The following PUS7 variants were observed in gnomAD, a reference collection of about 807,000 sequenced individuals.
The protein encoded by PUS7 is pseudouridine synthase 7.
Under a neutral mutation model 79.8 loss-of-function variants are expected in PUS7, and 48 were observed. The observed-to-expected ratio is 0.60, with a 90% confidence interval of 0.48 to 0.76. The LOEUF is 0.76. Among genes scored for constraint, PUS7 ranks in the 30% least tolerant of loss-of-function variants. The pLI, the probability that PUS7 is intolerant of heterozygous loss-of-function variation, is 0.00. For missense variants in PUS7, 729 were observed against 797.6 expected, an observed-to-expected ratio of 0.91 and a Z score of 1.04; for synonymous variants, 286 against 272.2, an observed-to-expected ratio of 1.05 and a Z score of -0.50.
At chr7:105,509,354 T>C (rs1249396464) in intron 1 of PUS7, among the ~76,000 whole-genome samples, 1 of 152,120 alleles carries the variant, frequency 6.6e-6, no homozygotes, top group Non-Finnish European at 1.5e-5. Context: ...CCGCACATCA[T>C]CACAAGCCTT....
At chr7:105,505,908 G>A (rs750720718) in intron 4 of PUS7, 47 bp downstream of exon 4, 1 of 1,450,076 alleles carries the variant, frequency 6.9e-7, no homozygotes, top group Non-Finnish European at 9.6e-7. Context: ...CACCCAAAAA[G>A]CAACTAAAAC....
intron 12 of PUS7, among the ~76,000 whole-genome samples, chr7:105,467,294 CTTT>C (rs34780377): frequency 1.6e-4 from 21 of 129,594 alleles, no homozygotes; most frequent in East Asian, 2.2e-4. Flanking sequence ...AGAAACTCTT[CTTT>C]TTTTTTTTTT....
chr7:105,517,013 A>T (rs2133296391), intron 1 of PUS7, among the ~76,000 whole-genome samples: 1 of 152,284 alleles, frequency 6.6e-6, no homozygotes, highest in South Asian at 2.1e-4. Flanking sequence ...AAAAAATTTT[A>T]AGAAAACATG....
chr7:105,492,052 C>A (rs1274497550), intron 6 of PUS7, among the ~76,000 whole-genome samples: 758 of 117,018 alleles, frequency 6.5e-3, no homozygotes, highest in East Asian at 9.2e-3. Context: ...GACTCCGTCT[C>A]AAAAAAAAAA....
chr7:105,462,979 G>A (rs1563351986), intron 13 of PUS7, among the ~76,000 whole-genome samples: 1 of 152,132 alleles, frequency 6.6e-6, no homozygotes, highest in African/African-American at 2.4e-5. Context: ...AGTTATTTTT[G>A]CAACCAGTCA....
chr7:105,485,221 T>C (rs373141019), intron 7 of PUS7, among the ~76,000 whole-genome samples: 8 of 152,102 alleles, frequency 5.3e-5, no homozygotes, highest in South Asian at 4.2e-4. Flanking sequence ...TTGTCGTCGT[T>C]GTTTTTTGAG....
chr7:105,481,171 T>A lies in PUS7; in HGVS notation c.1056A>T (p.Ile352=). The change falls in exon 9 of 16, where the codon ATA becomes ATT. Residue 352 remains isoleucine (I), a synonymous_variant. Coordinates refer to ENST00000469408, the MANE Select transcript of PUS7 (RefSeq NM_019042.5). ...GNHFTVVLRN[I]TGTDDQVQQA... The stretch of plus-strand genomic sequence containing the variant: ...GCTGTACTTGGTCATCAGTTCCTGT[T>A]ATATTTCTACAGGGACACAAATTAT... 6.2e-7 allele frequency: 1 copy of A among 1,607,468 alleles called. No individual in the cohort carries two copies. Among genetic ancestry groups the A allele is most frequent in the Non-Finnish European group, 8.5e-7 (1 of 1,177,476 alleles).
At chr7:105,514,926 C>A (rs1047951483) in intron 1 of PUS7, among the ~76,000 whole-genome samples, 1 of 151,992 alleles carries the variant, frequency 6.6e-6, no homozygotes, top group Non-Finnish European at 1.5e-5. Context: ...TCCCGAGTAG[C>A]TGGGACTACA....
At chr7:105,468,580 C>CGAT in intron 11 of PUS7, 117 bp from the exon 12 acceptor site, 5 of 861,100 alleles carry the variant, frequency 5.8e-6, no homozygotes, top group Non-Finnish European at 8.6e-6. Context: ...TGCAGTGGCA[C>CGAT]GATCTAGGCT....
At chr7:105,509,871 G>A (rs188865053) in intron 1 of PUS7, among the ~76,000 whole-genome samples, 5 of 152,278 alleles carry the variant, frequency 3.3e-5, no homozygotes, top group Admixed American at 6.5e-5. Context: ...AAACTGGGAA[G>A]GGTGGTTACC....
rs1491563904 is a variant in PUS7, at chr7:105,514,795, CAT to C, written c.-32-6253_-32-6252del. 1.1e-3 allele frequency among the ~76,000 whole-genome samples: 120 copies of C among 112,662 alleles called. 1 individual carries two copies. Among genetic ancestry groups the C allele is most frequent in the African/African-American group, 3.1e-3 (116 of 37,336 alleles). 73.9% of individuals were successfully genotyped at this position (112,662 alleles called of 152,430 possible). On this transcript the variant is annotated intron_variant, in intron 1 of 15. Transcript: ENST00000469408. ...CATATAATAACTAAAAATTCTCTCT[CAT>C]TTTTTTTTTTTTGAGACGGAGTCTC... is the stretch of plus-strand genomic sequence containing the variant.
intron 3 of PUS7, 32 bp downstream of exon 3, chr7:105,506,157 G>T: frequency 1.3e-6 from 2 of 1,578,348 alleles, no homozygotes; most frequent in African/African-American, 1.4e-5. Flanking sequence ...TTTTTATACA[G>T]AAGGTGACAT....
intron 1 of PUS7, among the ~76,000 whole-genome samples, chr7:105,510,458 C>T (rs1404877): frequency 0.029 from 4,336 of 151,976 alleles, 205 homozygotes; most frequent in African/African-American, 0.099. Flanking sequence ...ATAGTGATTG[C>T]CTAACAATGT....
intron 5 of PUS7, among the ~76,000 whole-genome samples, chr7:105,498,065 C>A (rs1407388752): frequency 6.6e-6 from 1 of 152,120 alleles, no homozygotes; most frequent in African/African-American, 2.4e-5. Context: ...TAAGAGAAAC[C>A]ATGACAACAG....
chr7:105,461,406 A>G (rs1404682511), intron 14 of PUS7, among the ~76,000 whole-genome samples: 1 of 152,088 alleles, frequency 6.6e-6, no homozygotes, highest in African/African-American at 2.4e-5. Flanking sequence ...CTTTTTTTAG[A>G]GACAGGGTCT....
intron 9 of PUS7, among the ~76,000 whole-genome samples, chr7:105,475,612 A>G (rs924200574): frequency 6.6e-6 from 1 of 152,124 alleles, no homozygotes; most frequent in Non-Finnish European, 1.5e-5. Flanking sequence ...GTGAGCCACC[A>G]CGCCTGACCA....
chr7:105,484,129 T>G (rs980176642), intron 7 of PUS7, among the ~76,000 whole-genome samples: 1 of 152,196 alleles, frequency 6.6e-6, no homozygotes, highest in Non-Finnish European at 1.5e-5. Context: ...TTTTACACTC[T>G]AAGAGTCTCT....
intron 9 of PUS7, among the ~76,000 whole-genome samples, chr7:105,480,747 G>A (rs1044103403): frequency 5.9e-5 from 9 of 152,196 alleles, no homozygotes; most frequent in African/African-American, 2.2e-4. Flanking sequence ...TTGCACTCCA[G>A]CCTGGGCAAC....
At position 105,473,986 on chromosome 7, in the gene PUS7, T is replaced by C. The variant is rs182435959; in HGVS notation, c.1176-1793A>G. 3.3e-3 allele frequency among the ~76,000 whole-genome samples: 503 copies of C among 152,378 alleles called. 3 individuals are homozygous for C. The highest frequency in any genetic ancestry group is 0.012 in the African/African-American group (479 of 41,600). ...ATCTATAAGTGTATGTAATTCTTCC[T>C]TTAACTTTTACTATAGTATTGCTGT... is the stretch of plus-strand genomic sequence containing the variant. On this transcript the variant is annotated intron_variant, in intron 9 of 15. Transcript: ENST00000469408.
Sources: allele counts gnomAD v4.1 joint callset (sites outside exome capture counted in the v4.1 genomes callset), GRCh38; gene constraint gnomAD v4.1.1; transcripts MANE v1.5; gene names NCBI Gene and HGNC (gene_info 2026-07-23, HGNC 2026-07-21).